Variants in SYT17 observed in about 807,000 individuals in gnomAD.
SYT17 encodes the protein synaptotagmin-17.
Under a neutral mutation model 46.7 loss-of-function variants are expected in SYT17, and 22 were observed. The ratio of observed to expected loss-of-function variants is 0.47; its 90% CI spans 0.34 to 0.67. The LOEUF (loss-of-function observed/expected upper bound fraction) is 0.67, where lower values mean the gene tolerates loss of function less well. SYT17 is among the 30% of genes least tolerant of loss of function. SYT17 has a pLI of 0.01. For synonymous variants in SYT17, 251 were observed against 248.4 expected (o/e 1.01, Z -0.10); for missense variants, 519 against 612.8 (o/e 0.85, Z 1.62).
intron 5 of SYT17, among the ~76,000 whole-genome samples, chr16:19,212,386 C>A (rs1305176356): frequency 6.6e-6 from 1 of 151,970 alleles, no homozygotes; most frequent in Non-Finnish European, 1.5e-5. Flanking sequence ...TTTGGGAGGC[C>A]AAGGTGGGCA....
intron 7 of SYT17, among the ~76,000 whole-genome samples, chr16:19,242,286 C>T (rs1021889735): frequency 6.6e-6 from 1 of 152,128 alleles, no homozygotes; most frequent in Non-Finnish European, 1.5e-5. Flanking sequence ...AGGAAAATTA[C>T]TCTAAATTTG....
At chr16:19,196,183 G>A (rs1404692241) in intron 5 of SYT17, among the ~76,000 whole-genome samples, 1 of 152,010 alleles carries the variant, frequency 6.6e-6, no homozygotes, top group Non-Finnish European at 1.5e-5. Context: ...AATCTGATTT[G>A]TGCTTCAATT....
At chr16:19,241,759 G>A (rs1018889860) in intron 7 of SYT17, among the ~76,000 whole-genome samples, 4 of 152,172 alleles carry the variant, frequency 2.6e-5, no homozygotes, top group South Asian at 4.1e-4. Flanking sequence ...GAGGTGATGC[G>A]TGCCAGGGTC....
At chr16:19,222,900 A>G in intron 5 of SYT17, 145 bp from the exon 6 acceptor site, 1 of 1,027,592 alleles carries the variant, frequency 9.7e-7, no homozygotes, top group Non-Finnish European at 1.4e-6. Context: ...CAGAGATGAA[A>G]AGAAGTCACA....
intron 5 of SYT17, among the ~76,000 whole-genome samples, chr16:19,212,743 T>C (rs1215659685): frequency 6.6e-6 from 1 of 152,230 alleles, no homozygotes; most frequent in Non-Finnish European, 1.5e-5. Context: ...CTTATCTCAC[T>C]AAATTTGGAT....
chr16:19,172,579 T>A, intron 1 of SYT17, 181 bp from the exon 2 acceptor site: 1 of 1,522,152 alleles, frequency 6.6e-7, no homozygotes, highest in African/African-American at 1.4e-5. Flanking sequence ...CAACACCTTG[T>A]TAGGATGTTA....
intron 7 of SYT17, among the ~76,000 whole-genome samples, chr16:19,244,220 A>G (rs1967359414): frequency 6.6e-6 from 1 of 152,206 alleles, no homozygotes; most frequent in South Asian, 2.1e-4. Context: ...GAGATCTCAT[A>G]TGACTCACTA....
chr16:19,208,376 G>C (rs150975196), intron 5 of SYT17, among the ~76,000 whole-genome samples: 3 of 152,140 alleles, frequency 2.0e-5, no homozygotes, highest in African/African-American at 7.2e-5. Context: ...TTGACTCACC[G>C]TTCTGCATGG....
chr16:19,211,012 G>T, intron 5 of SYT17: 1 of 162,060 alleles, frequency 6.2e-6, no homozygotes, highest in Non-Finnish European at 1.3e-5. Context: ...AAAGGCTGCC[G>T]GGAGAGAGAA....
At chr16:19,200,016 A>C (rs1342341670) in intron 5 of SYT17, among the ~76,000 whole-genome samples, 1 of 152,256 alleles carries the variant, frequency 6.6e-6, no homozygotes, top group East Asian at 1.9e-4. Context: ...GGGAGTTAGG[A>C]AACTTGCCCA....
chr16:19,225,307 C>T (rs7188424), intron 7 of SYT17, among the ~76,000 whole-genome samples: 6,318 of 152,064 alleles, frequency 0.042, 445 homozygotes, highest in African/African-American at 0.14. Context: ...AACAGTGTCA[C>T]CTAACTCAGA....
intron 7 of SYT17, among the ~76,000 whole-genome samples, chr16:19,244,558 C>T (rs1202049878): frequency 1.3e-5 from 2 of 152,176 alleles, no homozygotes; most frequent in African/African-American, 2.4e-5. Context: ...TGGTCTTGAA[C>T]TCCTGGCCTC....
At chr16:19,191,446 A>T (rs1040226921) in intron 5 of SYT17, among the ~76,000 whole-genome samples, 1 of 152,204 alleles carries the variant, frequency 6.6e-6, no homozygotes, top group African/African-American at 2.4e-5. Flanking sequence ...ATCTATGAGG[A>T]ATGGTCCTCA....
chr16:19,176,707 G>A (rs1964327207), intron 3 of SYT17, among the ~76,000 whole-genome samples: 1 of 152,126 alleles, frequency 6.6e-6, no homozygotes, highest in Admixed American at 6.5e-5. Flanking sequence ...GTAGAGATAG[G>A]CGTCTCATTG....
Position 19,168,810 on chromosome 16 carries a change from C to A in SYT17, c.15+149C>A. 1 of 1,068,432 alleles carries A rather than the reference C, an allele frequency of 9.4e-7. No individual in the cohort carries two copies. 66.2% of individuals were successfully genotyped at this position (1,068,432 alleles called of 1,614,324 possible). A position where few individuals can be genotyped will look rare whatever the true frequency, so the allele number is the denominator to read the frequency against. ...GGTGCCCGTGCGCGGGCAACCTGTG[C>A]AGCAACAGGGGTGCGCCCCGGGAGG... On this transcript the variant is annotated intron_variant, in intron 1 of 7. Coordinates refer to ENST00000355377, the MANE Select transcript of SYT17 (RefSeq NM_016524.4). The surrounding 1 kb of genome is among the most constrained non-coding windows in gnomAD (Gnocchi z 6.9).
chr16:19,250,996 C>T (rs949589629), intron 7 of SYT17, among the ~76,000 whole-genome samples: 1 of 152,114 alleles, frequency 6.6e-6, no homozygotes, highest in Non-Finnish European at 1.5e-5. Context: ...GCATTATCTT[C>T]GTGAAATTTG....
chr16:19,197,517 G>A (rs1420890384), intron 5 of SYT17, among the ~76,000 whole-genome samples: 2 of 152,016 alleles, frequency 1.3e-5, no homozygotes, highest in East Asian at 3.9e-4. Flanking sequence ...GGTGCAGTAA[G>A]AGTTCACTGC....
At chr16:19,259,261 AGTAAAGTT>A (rs1354878683) in intron 7 of SYT17, among the ~76,000 whole-genome samples, 4 of 152,202 alleles carry the variant, frequency 2.6e-5, no homozygotes, top group Non-Finnish European at 4.4e-5. Context: ...ATTTTGTGAG[AGTAAAGTT>A]TCCACTTACT....
At chr16:19,189,042 A>G (rs1475413137) in intron 5 of SYT17, among the ~76,000 whole-genome samples, 7 of 151,796 alleles carry the variant, frequency 4.6e-5, no homozygotes, top group Non-Finnish European at 1.0e-4. Flanking sequence ...GCCCACCACC[A>G]CGCCCGGCTA....
Sources: allele counts gnomAD v4.1 joint callset (sites outside exome capture counted in the v4.1 genomes callset), GRCh38; gene constraint gnomAD v4.1.1; non-coding constraint Gnocchi (gnomAD v3.1); transcripts MANE v1.5; gene names NCBI Gene and HGNC (gene_info 2026-07-23, HGNC 2026-07-21).